The following TMEM132D variants were observed in gnomAD, a reference collection of about 807,000 sequenced individuals.
The protein encoded by TMEM132D is mature OL transmembrane protein.
In TMEM132D, 21 loss-of-function variants were observed where a neutral mutation model predicts 62.3. The observed-to-expected ratio is 0.34, with a 90% CI of 0.24 to 0.49. The LOEUF (loss-of-function observed/expected upper bound fraction) is 0.49. TMEM132D is among the 20% of genes least tolerant of loss of function. The pLI, the probability that TMEM132D is intolerant of heterozygous loss-of-function variation, is 0.99. For missense variants in TMEM132D, 1,346 were observed against 1,402.8 expected (o/e 0.96, Z 0.65); for synonymous variants, 621 against 575.6 (o/e 1.08, Z -1.13).
intron 2 of TMEM132D, among the ~76,000 whole-genome samples, chr12:129,542,385 A>G (rs1459775223): frequency 6.6e-6 from 1 of 152,238 alleles, no homozygotes; most frequent in East Asian, 1.9e-4. Flanking sequence ...TAATTAAAGA[A>G]GGCATTCTAA....
intron 1 of TMEM132D, among the ~76,000 whole-genome samples, chr12:129,780,360 C>T (rs187480034): frequency 2.8e-4 from 43 of 151,798 alleles, no homozygotes; most frequent in Non-Finnish European, 5.6e-4. Flanking sequence ...CGGGGGGGCA[C>T]AAAATGTTTT....
intron 3 of TMEM132D, among the ~76,000 whole-genome samples, chr12:129,432,665 T>C (rs1872694150): frequency 1.3e-5 from 2 of 152,220 alleles, no homozygotes; most frequent in Admixed American, 6.5e-5. Context: ...CTGGGCCACC[T>C]CCTTTTAATT....
intron 4 of TMEM132D, among the ~76,000 whole-genome samples, chr12:129,269,943 C>T (rs1469832213): frequency 1.3e-5 from 2 of 152,108 alleles, no homozygotes; most frequent in African/African-American, 2.4e-5. Context: ...AAGGCAGTGA[C>T]GTGAACCTGA....
chr12:129,192,668 G>T lies in TMEM132D; in HGVS notation c.1443+16852C>A, dbSNP rs145618503. On this transcript the variant is annotated intron_variant, in intron 5 of 8. Coordinates refer to ENST00000422113, the MANE Select transcript of TMEM132D (RefSeq NM_133448.3). ...TCTCTTGTATCAGAGGACAGGGCTG[G>T]CTGGGTACTAATTATCTATCACTGC... 1.2e-3 allele frequency among the ~76,000 whole-genome samples: 186 copies of T among 152,278 alleles called. 1 individual carries two copies. Among genetic ancestry groups the T allele is most frequent in the African/African-American group, 4.1e-3 (171 of 41,560 alleles).
At chr12:129,648,960 C>A (rs553539374) in intron 2 of TMEM132D, among the ~76,000 whole-genome samples, 1 of 152,168 alleles carries the variant, frequency 6.6e-6, no homozygotes, top group Non-Finnish European at 1.5e-5. Flanking sequence ...GTTAAGCACA[C>A]TTCAGAGTTC....
chr12:129,877,829 T>C (rs947923229), intron 1 of TMEM132D, among the ~76,000 whole-genome samples: 17 of 152,154 alleles, frequency 1.1e-4, no homozygotes, highest in African/African-American at 3.9e-4. Flanking sequence ...CCACTCCCCA[T>C]GAAACACTGG....
At chr12:129,607,188 T>A (rs1237476603) in intron 2 of TMEM132D, among the ~76,000 whole-genome samples, 2 of 151,978 alleles carry the variant, frequency 1.3e-5, no homozygotes, top group Non-Finnish European at 2.9e-5. Context: ...ACCATCACAG[T>A]TTATTATAGC....
At chr12:129,424,179 G>T (rs750107497) in intron 3 of TMEM132D, among the ~76,000 whole-genome samples, 37 of 143,278 alleles carry the variant, frequency 2.6e-4, no homozygotes, top group Admixed American at 1.5e-3. Context: ...TACTTTCAAA[G>T]AAGCGATCTG....
intron 5 of TMEM132D, among the ~76,000 whole-genome samples, chr12:129,086,537 T>C (rs556010687): frequency 1.3e-5 from 2 of 152,074 alleles, no homozygotes; most frequent in Admixed American, 1.3e-4. Flanking sequence ...CTTCAGATAA[T>C]GACCTCTAGG....
intron 4 of TMEM132D, among the ~76,000 whole-genome samples, chr12:129,210,569 T>C (rs1390233215): frequency 1.3e-5 from 2 of 152,216 alleles, no homozygotes; most frequent in African/African-American, 4.8e-5. Context: ...CTTTCAGAAT[T>C]AAGAATGTCC....
Position 129,293,829 on chromosome 12 carries a change from G to A in TMEM132D, c.1299+43805C>T, listed in dbSNP as rs141388861. Among the ~76,000 whole-genome samples, 242 of 152,234 alleles carry A rather than the reference G, an allele frequency of 1.6e-3. 2 individuals carry two copies. The highest frequency in any genetic ancestry group is 5.2e-3 in the African/African-American group (214 of 41,542). On this transcript the variant is annotated intron_variant, in intron 4 of 8. Transcript: ENST00000422113. ...TGTAAATACAGATGAAGCTTCGCTC[G>A]CTTGCCCATCACTTGCCTTCTGCTG...
intron 5 of TMEM132D, among the ~76,000 whole-genome samples, chr12:129,094,949 G>T (rs1351398936): frequency 1.4e-5 from 2 of 147,316 alleles, no homozygotes; most frequent in African/African-American, 2.5e-5. Flanking sequence ...ACCAAACACC[G>T]CATGTTCTCA....
At chr12:129,361,801 A>G (rs762507974) in intron 3 of TMEM132D, among the ~76,000 whole-genome samples, 1 of 152,208 alleles carries the variant, frequency 6.6e-6, no homozygotes, top group African/African-American at 2.4e-5. Flanking sequence ...ATGATTGACA[A>G]ACAAGAATAG....
intron 1 of TMEM132D, among the ~76,000 whole-genome samples, chr12:129,743,579 T>G (rs571367956): frequency 6.6e-6 from 1 of 152,278 alleles, no homozygotes; most frequent in South Asian, 2.1e-4. Flanking sequence ...CAGGTAGGTC[T>G]TTATTAGCAG....
chr12:129,663,481 C>G (rs1445548918), intron 2 of TMEM132D, among the ~76,000 whole-genome samples: 1 of 152,152 alleles, frequency 6.6e-6, no homozygotes, highest in Non-Finnish European at 1.5e-5. Flanking sequence ...GTCCACAAAA[C>G]CCCTTCCAAA....
intron 1 of TMEM132D, among the ~76,000 whole-genome samples, chr12:129,838,035 A>G (rs1873061970): frequency 6.6e-6 from 1 of 152,212 alleles, no homozygotes; most frequent in South Asian, 2.1e-4. Context: ...GCCCCACCAA[A>G]CAACGATATT....
intron 4 of TMEM132D, among the ~76,000 whole-genome samples, chr12:129,287,060 G>C (rs1380699357): frequency 6.6e-6 from 1 of 151,732 alleles, no homozygotes; most frequent in Non-Finnish European, 1.5e-5. Flanking sequence ...AAAAAAAAGG[G>C]AGAAAAGGGG....
In TMEM132D at chr12:129,413,245, C is replaced by T. The variant is rs528716369; in HGVS notation, c.1116-75428G>A. Among the ~76,000 whole-genome samples the T allele has an allele frequency of 5.3e-5, 8 of 152,176 alleles. No individual in the cohort carries two copies. In the South Asian group the frequency reaches 1.7e-3, roughly 32 times the overall value. ...TAATTGAATCATGGAGGCAGTTTCC[C>T]CCATACTATTCTTGTGGTAGTGAAT... On this transcript the variant is annotated intron_variant, in intron 3 of 8. Transcript: ENST00000422113.
chr12:129,642,575 T>A (rs1565933612), intron 2 of TMEM132D, among the ~76,000 whole-genome samples: 2 of 152,218 alleles, frequency 1.3e-5, no homozygotes, highest in African/African-American at 4.8e-5. Context: ...ACAGATTGAT[T>A]TCTCTCTATT....
Sources: gnomAD v4.1 joint callset for allele counts (sites outside exome capture counted in the v4.1 genomes callset) on GRCh38, gnomAD v4.1.1 for gene constraint, MANE v1.5 for transcripts, NCBI Gene and HGNC (gene_info 2026-07-23, HGNC 2026-07-21) for gene names.